Variants in HFM1 observed in about 807,000 individuals in gnomAD.
HFM1 encodes probable ATP-dependent DNA helicase HFM1.
A neutral mutation model predicts 192.1 loss-of-function variants in HFM1; 169 were observed. The observed-to-expected ratio is 0.88, with a 90% confidence interval of 0.78 to 1.00. HFM1 has a LOEUF of 1.00. Among genes scored for constraint, HFM1 ranks in the 50% least tolerant of loss-of-function variants. The probability of loss-of-function intolerance (pLI) is 0.00; values close to 1 mark genes in which losing one functional copy is unlikely to be tolerated. For synonymous variants in HFM1, 525 were observed against 537.8 expected, an observed-to-expected ratio of 0.98 and a Z score of 0.33; for missense variants, 1,661 against 1,668.0, an observed-to-expected ratio of 1.00 and a Z score of 0.07.
intron 18 of HFM1, among the ~76,000 whole-genome samples, chr1:91,348,410 A>C (rs1288306316): frequency 1.3e-5 from 2 of 152,204 alleles, no homozygotes; most frequent in Non-Finnish European, 2.9e-5. Flanking sequence ...ATTTAGCCAC[A>C]GGTATCAAAT....
chr1:91,310,321 T>C (rs886086040), intron 30 of HFM1, among the ~76,000 whole-genome samples: 7 of 152,154 alleles, frequency 4.6e-5, no homozygotes, highest in Non-Finnish European at 8.8e-5. Flanking sequence ...GATGAAACAG[T>C]AGCAGCCATG....
At chr1:91,392,141 T>G (rs1456139527) in intron 4 of HFM1, among the ~76,000 whole-genome samples, 1 of 152,118 alleles carries the variant, frequency 6.6e-6, no homozygotes, top group East Asian at 1.9e-4. Flanking sequence ...ACTTTTACAC[T>G]GTTGGTGGGA....
chr1:91,315,176 G>C (rs1043689752), intron 28 of HFM1, among the ~76,000 whole-genome samples: 4 of 152,132 alleles, frequency 2.6e-5, no homozygotes, highest in Admixed American at 2.6e-4. Flanking sequence ...ACAGAATACG[G>C]ACAGCACCTG....
intron 26 of HFM1, 102 bp downstream of exon 26, chr1:91,316,289 A>G (rs1651208745): frequency 7.0e-6 from 7 of 993,774 alleles, no homozygotes; most frequent in Non-Finnish European, 1.0e-5. Flanking sequence ...ACCCAAAAGT[A>G]AGTTGAAATA....
chr1:91,392,448 G>A (rs1211820238), intron 4 of HFM1, among the ~76,000 whole-genome samples: 3 of 152,158 alleles, frequency 2.0e-5, no homozygotes, highest in African/African-American at 7.2e-5. Flanking sequence ...CCTTTGCAGG[G>A]ACATGGATGA....
rs771736337 is a variant in HFM1, at chr1:91,324,768, TG to T, written c.2336-3del. 4.6e-6 allele frequency: 7 copies of T among 1,525,708 alleles called. No homozygotes were observed. The Admixed American group carries it at 1.2e-4, about 26-fold the overall frequency. The allele number at this position is 1,525,708 out of a possible 1,614,324, so 94.5% of individuals were successfully genotyped here. On this transcript the variant is annotated splice_polypyrimidine_tract_variant and splice_region_variant and intron_variant, in intron 20 of 38. Coordinates refer to ENST00000370425, the MANE Select transcript of HFM1 (RefSeq NM_001017975.6). ...ACCAAGCCATCAATCTTCCTGCTTCTGTAAGAAAAGACAGAAAAATGAACGG... is the reference window on the plus strand; with the variant it reads ...ACCAAGCCATCAATCTTCCTGCTTCTTAAGAAAAGACAGAAAAATGAACGG...
At chr1:91,317,271 G>A (rs1234436820) in intron 25 of HFM1, among the ~76,000 whole-genome samples, 1 of 152,010 alleles carries the variant, frequency 6.6e-6, no homozygotes, top group Admixed American at 6.6e-5. Flanking sequence ...AAAATTAGCC[G>A]GGCATGGTGG....
chr1:91,329,145 G>A (rs1465236799), intron 20 of HFM1: 26 of 1,609,668 alleles, frequency 1.6e-5, no homozygotes, highest in Admixed American at 8.3e-5. Context: ...CAAGAGCATC[G>A]AGGAGATCGT....
chr1:91,329,976 G>A (rs527693706), intron 20 of HFM1, among the ~76,000 whole-genome samples: 11 of 152,310 alleles, frequency 7.2e-5, no homozygotes, highest in Admixed American at 2.0e-4. Context: ...TCAGGAAGGC[G>A]CATCTTAGCA....
chr1:91,278,071 T>C (rs1035226220), intron 30 of HFM1, among the ~76,000 whole-genome samples: 7 of 149,450 alleles, frequency 4.7e-5, no homozygotes, highest in Non-Finnish European at 1.0e-4. Flanking sequence ...AAAACACTTC[T>C]GTTGCTTTGT....
intron 30 of HFM1, among the ~76,000 whole-genome samples, chr1:91,288,405 C>A (rs1462950589): frequency 1.5e-5 from 2 of 132,672 alleles, no homozygotes; most frequent in African/African-American, 5.6e-5. Flanking sequence ...ATTTATTGAT[C>A]ATTCTTGGGT....
rs1660796884 is a variant in HFM1, at chr1:91,375,478, C to CGTAA, written c.1597-33_1597-32insTTAC. 3 of 1,610,360 alleles carry CGTAA rather than the reference C, an allele frequency of 1.9e-6. No individual in the cohort carries two copies. In the South Asian group the frequency reaches 3.3e-5, roughly 18 times the overall value. Reference sequence around the variant, plus strand: ...ATAAATTCATAACGTTTGTATTAATCATGTTAAAAACTGAATATACTAAAA... The same window carrying CGTAA: ...ATAAATTCATAACGTTTGTATTAATCGTAAATGTTAAAAACTGAATATACTAAAA... On this transcript the variant is annotated intron_variant, in intron 12 of 38. Transcript: ENST00000370425.
chr1:91,277,702 TTATA>T (rs1557766625), intron 30 of HFM1, among the ~76,000 whole-genome samples: 1 of 52,058 alleles, frequency 1.9e-5, no homozygotes, highest in East Asian at 5.7e-4. Context: ...CTAATATATA[TTATA>T]TATACTTTAT....
intron 18 of HFM1, among the ~76,000 whole-genome samples, chr1:91,349,886 A>G (rs1656697045): frequency 6.6e-6 from 1 of 152,230 alleles, no homozygotes; most frequent in Non-Finnish European, 1.5e-5. Flanking sequence ...GTGCGAAACT[A>G]AAATTACATT....
intron 32 of HFM1, among the ~76,000 whole-genome samples, chr1:91,275,042 T>A (rs1471772645): frequency 6.8e-6 from 1 of 147,646 alleles, no homozygotes; most frequent in East Asian, 2.0e-4. Context: ...TGGAGTGCAG[T>A]GGTATAATCT....
At chr1:91,352,955 G>GA in intron 15 of HFM1, 96 bp downstream of exon 15, 1 of 757,112 alleles carries the variant, frequency 1.3e-6, no homozygotes, top group Non-Finnish European at 2.1e-6. Context: ...AAGAAAAGCA[G>GA]AAACAAGCAG....
chr1:91,394,265 C>A lies in HFM1; in HGVS notation c.322G>T (p.Gly108Trp), dbSNP rs761169095. The A allele has an allele frequency of 6.3e-7, 1 of 1,598,318 alleles. No homozygotes were observed. Residue 108 changes from glycine (G) to tryptophan (W), a missense_variant, in exon 4 of 39, where the codon GGG becomes TGG. Gly to Trp is a radical substitution (Grantham distance 184). Transcript: ENST00000370425. ...TGTGATAAGTCATTATTACCTACCC[C>A]TTCTAAATTTAGATCATCCTGTTCA... ...KYEQDDLNLEGVGNNDLSHIA... is the reference protein window; with the variant it reads ...KYEQDDLNLEWVGNNDLSHIA...
At position 91,380,233 on chromosome 1, in the gene HFM1, G is replaced by A. The variant is rs1661396979; in HGVS notation, c.877C>T (p.Leu293Phe). ...ATCACAAAATTCCTATCTGTGTAAA[G>A]AAGCTAAAAAATAAAAAGTAATCAA... Reference protein sequence around the residue: ...YIQSKAFDDLLYTDRNFVICA... With the variant: ...YIQSKAFDDLFYTDRNFVICA... Residue 293 changes from leucine to phenylalanine, a missense_variant, in exon 8 of 39, where the codon CTT (leucine) becomes TTT (phenylalanine). Transcript: ENST00000370425. The A allele has an allele frequency of 1.3e-6, 2 of 1,529,218 alleles. No individual in the cohort carries two copies. The highest frequency in any genetic ancestry group is 2.8e-5 in the African/African-American group (2 of 70,486). The allele number at this position is 1,529,218 out of a possible 1,614,324, so 94.7% of individuals were successfully genotyped here. A position where few individuals can be genotyped will look rare whatever the true frequency, so the allele number is the denominator to read the frequency against.
In HFM1 at chr1:91,394,189, C is replaced by A; in HGVS notation, c.398G>T (p.Gly133Val). Residue 133 changes from glycine to valine, a missense_variant, in exon 4 of 39, where the codon GGC (glycine) becomes GTC (valine). By Grantham distance (109) the Gly-to-Val change is moderately radical (BLOSUM62 -3). Transcript: ENST00000370425. Reference sequence around the variant, plus strand: ...ACTCTTCTCAGGTGCTATCTCAGTGCCAATGTGATTTTTATATTTCTGAGA... The same window carrying A: ...ACTCTTCTCAGGTGCTATCTCAGTGACAATGTGATTTTTATATTTCTGAGA... ...YASQKYKNHI[G>V]TEIAPEKSVP... 1 of 1,604,994 alleles carries A rather than the reference C, an allele frequency of 6.2e-7. No homozygotes were observed. Among genetic ancestry groups the A allele is most frequent in the East Asian group, 2.2e-5 (1 of 44,756 alleles).
Sources: gnomAD v4.1 joint callset for allele counts (sites outside exome capture counted in the v4.1 genomes callset) on GRCh38, gnomAD v4.1.1 for gene constraint, MANE v1.5 for transcripts, NCBI Gene and HGNC (gene_info 2026-07-23, HGNC 2026-07-21) for gene names.